QSER1: variants seen among roughly 807,000 people sequenced by gnomAD.
QSER1 encodes glutamine and serine-rich protein 1.
Under a neutral mutation model 158.5 loss-of-function variants are expected in QSER1, and 49 were observed. That is an observed-to-expected ratio of 0.31 (90% confidence interval 0.25 to 0.39). The LOEUF (loss-of-function observed/expected upper bound fraction) is 0.39, where lower values mean the gene tolerates loss of function less well. Ranked by LOEUF, QSER1 falls within the 10% of genes least tolerant of loss-of-function variation. QSER1 has a pLI of 1.00. For synonymous variants in QSER1, 650 were observed against 715.5 expected (o/e 0.91, Z 1.46); for missense variants, 1,754 against 2,010.3 (o/e 0.87, Z 2.44).
chr11:32,969,060 C>A lies in QSER1; in HGVS notation c.5122C>A (p.Pro1708Thr), dbSNP rs755483327. The change falls in exon 10 of 13, where the codon CCT becomes ACT. Residue 1708 changes from proline to threonine, a missense_variant. By Grantham distance (38) the Pro-to-Thr change is conservative (BLOSUM62 -1). This residue lies in a region of QSER1 where 1,707 missense variants were observed against 1,919.6 expected (regional missense o/e 0.89). Coordinates refer to ENST00000650167, the MANE Select transcript of QSER1 (RefSeq NM_001076786.3). ...TGTTGTTTCAGATGAGCTACTTTTA[C>A]CTCATATGAAAAAAATAGATGGCAT... ...LEKSNDELLLPHMKKIDGMLN... is the reference protein window; with the variant it reads ...LEKSNDELLLTHMKKIDGMLN... 2 of 1,567,502 alleles carry A rather than the reference C, an allele frequency of 1.3e-6. No individual in the cohort carries two copies. The highest frequency in any genetic ancestry group is 1.4e-5 in the African/African-American group (1 of 73,350).
At chr11:32,935,680 A>G (rs969756398) in intron 4 of QSER1, among the ~76,000 whole-genome samples, 3 of 152,240 alleles carry the variant, frequency 2.0e-5, no homozygotes, top group South Asian at 4.1e-4. Flanking sequence ...TCTGTACAGT[A>G]TGCCATCTAA....
intron 1 of QSER1, among the ~76,000 whole-genome samples, chr11:32,914,086 G>A (rs1851803355): frequency 6.6e-6 from 1 of 152,216 alleles, no homozygotes; most frequent in African/African-American, 2.4e-5. Context: ...AGGTATGAAT[G>A]GGATAGGTAT....
chr11:32,899,439 G>A (rs538745390), intron 1 of QSER1, among the ~76,000 whole-genome samples: 1 of 152,274 alleles, frequency 6.6e-6, no homozygotes, highest in South Asian at 2.1e-4. Context: ...GGAACAATGA[G>A]TACTAAAGTA....
chr11:32,966,279 T>C (rs755911380), intron 8 of QSER1, 21 bp from the exon 9 acceptor site: 9 of 1,607,810 alleles, frequency 5.6e-6, no homozygotes, highest in Admixed American at 1.7e-5. Context: ...AATTTAATAT[T>C]TAACCCTTTC....
At chr11:32,922,477 T>TTAG (rs1851910960) in intron 1 of QSER1, among the ~76,000 whole-genome samples, 1 of 125,234 alleles carries the variant, frequency 8.0e-6, no homozygotes, top group African/African-American at 3.0e-5. Context: ...TTAGAATGGC[T>TTAG]AATTTTTTTT....
intron 9 of QSER1, among the ~76,000 whole-genome samples, chr11:32,966,968 A>G (rs530557336): frequency 6.6e-6 from 1 of 152,262 alleles, no homozygotes; most frequent in Admixed American, 6.5e-5. Flanking sequence ...TAGCAGTTGC[A>G]CTAATTTACA....
chr11:32,920,936 TG>T (rs1851892296), intron 1 of QSER1, among the ~76,000 whole-genome samples: 6 of 152,342 alleles, frequency 3.9e-5, no homozygotes, highest in Admixed American at 3.3e-4. Flanking sequence ...GAAAACAGTT[TG>T]GCCATTTCTC....
rs1330181494 is a variant in QSER1, at chr11:32,893,166, C to G, written c.41C>G (p.Pro14Arg). 6.8e-6 allele frequency: 1 copy of G among 146,964 alleles called. No individual in the cohort carries two copies. The highest frequency in any genetic ancestry group is 1.5e-5 in the Non-Finnish European group (1 of 67,462). 9.1% of individuals were successfully genotyped at this position (146,964 alleles called of 1,614,324 possible). A position where few individuals can be genotyped will look rare whatever the true frequency, so the allele number is the denominator to read the frequency against. The change falls in exon 1 of 13, where the codon CCG (proline) becomes CGG (arginine). Residue 14 changes from proline to arginine, a missense_variant. Physicochemically the swap from Pro to Arg is moderately radical, Grantham distance 103 (BLOSUM62 -2). Around this residue, in one of 2 missense-constraint regions of QSER1, gnomAD observed 1,707 missense variants for 1,919.6 expected, o/e 0.89. Coordinates refer to ENST00000650167, the MANE Select transcript of QSER1 (RefSeq NM_001076786.3). The surrounding 1 kb of genome is among the most constrained non-coding windows in gnomAD (Gnocchi z 4.7). ...NYATSGFTEP[P>R]PPPPPAPPAA... ...GCGACCTCGGGCTTCACCGAGCCGCCGCCGCCGCCGCCGCCCGCGCCCCCC... is the reference window on the plus strand; with the variant it reads ...GCGACCTCGGGCTTCACCGAGCCGCGGCCGCCGCCGCCGCCCGCGCCCCCC...
rs202001826 is a variant in QSER1 at position 32,932,677 on chromosome 11, C to T, written c.1419C>T (p.Tyr473=). The T allele has an allele frequency of 5.4e-4, 876 of 1,614,104 alleles. 1 individual carries two copies. Among genetic ancestry groups the T allele is most frequent in the Middle Eastern group, 2.1e-3 (13 of 6,062 alleles). The change falls in exon 4 of 13, where the codon TAC becomes TAT. Residue 473 remains tyrosine, a synonymous_variant. Coordinates refer to ENST00000650167, the MANE Select transcript of QSER1 (RefSeq NM_001076786.3). ...TATCAGTTAGTCAGTCCCAAAATTA[C>T]GGTTTAGTACAGCCACATAATGTGC... is the stretch of plus-strand genomic sequence containing the variant. ...SLLSVSQSQN[Y]GLVQPHNVPS...
At chr11:32,971,370 T>C (rs1055161638) in intron 10 of QSER1, among the ~76,000 whole-genome samples, 3 of 152,250 alleles carry the variant, frequency 2.0e-5, no homozygotes, top group African/African-American at 4.8e-5. Flanking sequence ...TTAGGAGTCC[T>C]GAAGCTTTTT....
chr11:32,927,407 G>T (rs572611576), intron 2 of QSER1, 138 bp downstream of exon 2: 1 of 152,704 alleles, frequency 6.5e-6, no homozygotes, highest in Non-Finnish European at 1.5e-5. Context: ...GTAAAAGCTT[G>T]TTTTTTGTTT....
At chr11:32,963,591 TC>T (rs1376722154) in intron 8 of QSER1, among the ~76,000 whole-genome samples, 3 of 152,000 alleles carry the variant, frequency 2.0e-5, no homozygotes, top group Non-Finnish European at 4.4e-5. Flanking sequence ...GACTTCGTGA[TC>T]CACCCGCCTC....
At chr11:32,950,565 TAATTC>T (rs1426741709) in intron 4 of QSER1, among the ~76,000 whole-genome samples, 1 of 152,250 alleles carries the variant, frequency 6.6e-6, no homozygotes, top group East Asian at 1.9e-4. Flanking sequence ...TATTGAATTA[TAATTC>T]ATATACAATA....
At chr11:32,937,782 A>G (rs1564936950) in intron 4 of QSER1, among the ~76,000 whole-genome samples, 2 of 152,116 alleles carry the variant, frequency 1.3e-5, no homozygotes, top group Admixed American at 6.5e-5. Flanking sequence ...TGCTGTGACA[A>G]TTGAATTTTT....
At chr11:32,905,353 G>T (rs74809413) in intron 1 of QSER1, among the ~76,000 whole-genome samples, 14,675 of 152,262 alleles carry the variant, frequency 0.096, 949 homozygotes, top group Non-Finnish European at 0.14. Context: ...ACATTTCTCA[G>T]GTTGAGCAAA....
At chr11:32,903,988 T>C (rs1851657987) in intron 1 of QSER1, among the ~76,000 whole-genome samples, 2 of 152,166 alleles carry the variant, frequency 1.3e-5, no homozygotes, top group South Asian at 4.1e-4. Flanking sequence ...TTGGGTTAAC[T>C]TGCTTACAGG....
intron 4 of QSER1, among the ~76,000 whole-genome samples, chr11:32,942,693 TTAG>T (rs2133564651): frequency 6.6e-6 from 1 of 152,382 alleles, no homozygotes; most frequent in South Asian, 2.1e-4. Context: ...TTCTTTTGGC[TTAG>T]GATTATCTTG....
chr11:32,953,780 A>G, intron 4 of QSER1, 77 bp from the exon 5 acceptor site: 1 of 1,481,360 alleles, frequency 6.8e-7, no homozygotes, highest in South Asian at 1.4e-5. Context: ...TTTCTTTTTA[A>G]ACTGTTTTGA....
At chr11:32,929,245 G>A (rs927308839) in intron 3 of QSER1, among the ~76,000 whole-genome samples, 3 of 152,082 alleles carry the variant, frequency 2.0e-5, no homozygotes, top group Admixed American at 6.6e-5. Context: ...CTGAGTAGCT[G>A]GGATTACAGG....
Sources: gnomAD v4.1 joint callset for allele counts (sites outside exome capture counted in the v4.1 genomes callset) on GRCh38, gnomAD v4.1.1 for gene constraint, gnomAD v4.1.1 regional missense constraint, Gnocchi (gnomAD v3.1) non-coding constraint, MANE v1.5 for transcripts, NCBI Gene and HGNC (gene_info 2026-07-23, HGNC 2026-07-21) for gene names.